The following ARHGAP24 variants were observed in gnomAD, a reference collection of about 807,000 sequenced individuals.
The protein encoded by ARHGAP24 is rho GTPase-activating protein 24.
A neutral mutation model predicts 76.4 loss-of-function variants in ARHGAP24; 50 were observed. That is an observed-to-expected ratio of 0.65 (90% CI 0.52 to 0.83). The LOEUF is 0.83. ARHGAP24 is among the 40% of genes least tolerant of loss of function. ARHGAP24 has a pLI of 0.00. For synonymous variants in ARHGAP24, 345 were observed against 323.3 expected, an observed-to-expected ratio of 1.07 and a Z score of -0.72; for missense variants, 930 against 914.2, an observed-to-expected ratio of 1.02 and a Z score of -0.22.
intron 3 of ARHGAP24, among the ~76,000 whole-genome samples, chr4:85,889,799 T>C (rs1225550200): frequency 6.6e-6 from 1 of 152,138 alleles, no homozygotes; most frequent in Non-Finnish European, 1.5e-5. Context: ...TTACAGCTGA[T>C]AGTAGCAAGA....
chr4:85,525,968 C>T (rs575144016), intron 1 of ARHGAP24, among the ~76,000 whole-genome samples: 16 of 152,190 alleles, frequency 1.1e-4, no homozygotes, highest in South Asian at 4.1e-4. Context: ...CCCCAAGGGC[C>T]TGTTCTCAGA....
intron 3 of ARHGAP24, among the ~76,000 whole-genome samples, chr4:85,784,769 T>A (rs1431694152): frequency 6.6e-6 from 1 of 152,076 alleles, no homozygotes; most frequent in African/African-American, 2.4e-5. Context: ...TTCCTTGGCA[T>A]TTTTCCTTTT....
In ARHGAP24 at chr4:86,001,384, A is replaced by T. The variant is rs1000379287; in HGVS notation, c.*662A>T. On this transcript the variant is annotated 3_prime_UTR_variant, in exon 10 of 10. Transcript: ENST00000395184. ...TTTTGCTTTTGCGAGGCGATTTGAC[A>T]TAGGAACTTTGAGACTCCATGAGAA... 2.8e-5 allele frequency: 11 copies of T among 398,956 alleles called. No individual in the cohort carries two copies. Among genetic ancestry groups the T allele is most frequent in the African/African-American group, 1.9e-4 (9 of 48,620 alleles). 24.7% of individuals were successfully genotyped at this position (398,956 alleles called of 1,614,324 possible).
chr4:85,985,666 T>C (rs1054609450), intron 8 of ARHGAP24, among the ~76,000 whole-genome samples: 8 of 152,202 alleles, frequency 5.3e-5, no homozygotes, highest in African/African-American at 1.7e-4. Flanking sequence ...CTGGTAGCTC[T>C]GGGGATTGGC....
chr4:85,521,049 C>T (rs17010331), intron 1 of ARHGAP24, among the ~76,000 whole-genome samples: 1 of 152,032 alleles, frequency 6.6e-6, no homozygotes, highest in African/African-American at 2.4e-5. Flanking sequence ...TCGGGCAGGG[C>T]AGTGACACGG....
chr4:85,926,213 A>T lies in ARHGAP24; in HGVS notation c.391+2443A>T, dbSNP rs200326629. 7.2e-5 allele frequency among the ~76,000 whole-genome samples: 11 copies of T among 152,326 alleles called. No homozygotes were observed. The East Asian group carries it at 1.9e-3, about 27-fold the overall frequency. On this transcript the variant is annotated intron_variant, in intron 4 of 9. Coordinates refer to ENST00000395184, the MANE Select transcript of ARHGAP24 (RefSeq NM_001025616.3). ...GGACACTCAAATAGTTGATTGGTCT[A>T]TAAACTTTATTATATGAGACCTACT...
At chr4:85,677,977 A>T (rs1400703056) in intron 2 of ARHGAP24, among the ~76,000 whole-genome samples, 2 of 151,980 alleles carry the variant, frequency 1.3e-5, no homozygotes, top group Non-Finnish European at 2.9e-5. Context: ...GAGTTCGAGG[A>T]TGTAGTGAAC....
chr4:85,969,229 T>A (rs1738816272), intron 5 of ARHGAP24, among the ~76,000 whole-genome samples: 1 of 152,158 alleles, frequency 6.6e-6, no homozygotes, highest in African/African-American at 2.4e-5. Flanking sequence ...CTTCACTTCA[T>A]TAAAAGCAAA....
intron 1 of ARHGAP24, among the ~76,000 whole-genome samples, chr4:85,536,996 T>A (rs1306179446): frequency 6.6e-6 from 1 of 152,126 alleles, no homozygotes; most frequent in Non-Finnish European, 1.5e-5. Context: ...TCTAAGCACA[T>A]GTTGTGAGGA....
At chr4:85,704,433 C>T (rs4585295) in intron 2 of ARHGAP24, among the ~76,000 whole-genome samples, 100,017 of 151,916 alleles carry the variant, frequency 0.66, 34,782 homozygotes, top group Non-Finnish European at 0.79. Flanking sequence ...AGAAAATTAT[C>T]TTATAAGATA....
At position 85,581,219 on chromosome 4, in the gene ARHGAP24, C is replaced by T. The variant is rs58924404; in HGVS notation, c.180+10498C>T. Among the ~76,000 whole-genome samples the T allele has an allele frequency of 8.0e-3, 1,212 of 152,102 alleles. 17 individuals carry two copies. Among genetic ancestry groups the T allele is most frequent in the African/African-American group, 0.027 (1,106 of 41,520 alleles). On this transcript the variant is annotated intron_variant, in intron 2 of 9. Transcript: ENST00000395184. ...AAGTACTAAAATATAGCATAATAAG[C>T]ATTACATATATTTTAACTTATGATA...
In ARHGAP24 at chr4:85,809,769, T is replaced by G. The variant is rs181913684; in HGVS notation, c.268+87797T>G. ...GGTATTAGCCATGCAGGCTGAGGGG[T>G]AGATGTCCAGGACAGACTGCAAGAA... On this transcript the variant is annotated intron_variant, in intron 3 of 9. Coordinates refer to ENST00000395184, the MANE Select transcript of ARHGAP24 (RefSeq NM_001025616.3). Among the ~76,000 whole-genome samples the G allele has an allele frequency of 1.1e-4, 16 of 152,112 alleles. No homozygotes were observed. In the East Asian group the frequency reaches 3.1e-3, roughly 29 times the overall value.
At chr4:85,573,606 T>C (rs895851025) in intron 2 of ARHGAP24, among the ~76,000 whole-genome samples, 12 of 152,358 alleles carry the variant, frequency 7.9e-5, no homozygotes, top group Middle Eastern at 3.4e-3. Flanking sequence ...CCTGCAGTGA[T>C]ATATTGTAGA....
chr4:85,592,000 G>A (rs751386345), intron 2 of ARHGAP24, among the ~76,000 whole-genome samples: 9 of 152,168 alleles, frequency 5.9e-5, no homozygotes, highest in Non-Finnish European at 1.0e-4. Flanking sequence ...AGAAGGGAAA[G>A]CAATTTTGAA....
chr4:85,661,466 T>C (rs765013713), intron 2 of ARHGAP24, among the ~76,000 whole-genome samples: 22 of 152,132 alleles, frequency 1.4e-4, no homozygotes, highest in Non-Finnish European at 1.0e-4. Flanking sequence ...TCAAAAACAA[T>C]AAGGTATGTG....
chr4:85,636,592 A>G (rs899346271), intron 2 of ARHGAP24, among the ~76,000 whole-genome samples: 2 of 151,894 alleles, frequency 1.3e-5, no homozygotes, highest in Non-Finnish European at 2.9e-5. Context: ...ACTCAGTGCT[A>G]GCCATCACTA....
chr4:85,934,771 T>G (rs1736534739), intron 4 of ARHGAP24, among the ~76,000 whole-genome samples: 1 of 152,182 alleles, frequency 6.6e-6, no homozygotes, highest in Non-Finnish European at 1.5e-5. Flanking sequence ...CACCTCGGCC[T>G]CCCAAAGTGC....
In ARHGAP24 at chr4:85,757,444, G is replaced by C. The variant is rs146354539; in HGVS notation, c.268+35472G>C. Reference sequence around the variant, plus strand: ...AAGTGTTCTCATTGTTCAATTCCCAGCTATGAGTGAGAATTTGCAGTGTTT... The same window carrying C: ...AAGTGTTCTCATTGTTCAATTCCCACCTATGAGTGAGAATTTGCAGTGTTT... On this transcript the variant is annotated intron_variant, in intron 3 of 9. Transcript: ENST00000395184. Among the ~76,000 whole-genome samples the C allele has an allele frequency of 6.5e-3, 987 of 151,604 alleles. 9 individuals carry two copies. The highest frequency in any genetic ancestry group is 0.023 in the African/African-American group (936 of 41,288).
At chr4:85,508,343 A>G (rs979522657) in intron 1 of ARHGAP24, among the ~76,000 whole-genome samples, 4 of 152,238 alleles carry the variant, frequency 2.6e-5, no homozygotes, top group Non-Finnish European at 2.9e-5. Flanking sequence ...CAACTTTAAA[A>G]AATACTAACA....
Sources: gnomAD v4.1 joint callset for allele counts (sites outside exome capture counted in the v4.1 genomes callset) on GRCh38, gnomAD v4.1.1 for gene constraint, MANE v1.5 for transcripts, NCBI Gene and HGNC (gene_info 2026-07-23, HGNC 2026-07-21) for gene names.